CMIP: variants seen among roughly 807,000 people sequenced by gnomAD.
The protein encoded by CMIP is c-Maf inducing protein, also known as C-Maf-inducing protein.
A neutral mutation model predicts 97.3 loss-of-function variants in CMIP; 13 were observed. The ratio of observed to expected loss-of-function variants is 0.13; its 90% CI spans 0.09 to 0.21. The LOEUF (loss-of-function observed/expected upper bound fraction) is 0.21. CMIP is among the 10% of genes least tolerant of loss of function. The pLI, the probability that CMIP is intolerant of heterozygous loss-of-function variation, is 1.00. For synonymous variants in CMIP, 538 were observed against 436.3 expected, an observed-to-expected ratio of 1.23 and a Z score of -2.91; for missense variants, 847 against 1,024.9, an observed-to-expected ratio of 0.83 and a Z score of 2.37.
intron 1 of CMIP, among the ~76,000 whole-genome samples, chr16:81,550,935 C>G (rs2090641637): frequency 6.7e-6 from 1 of 149,192 alleles, no homozygotes. Flanking sequence ...CACATATATC[C>G]CAGTTCCGTC....
At chr16:81,696,079 G>A (rs1373531048) in intron 13 of CMIP, 4 of 185,276 alleles carry the variant, frequency 2.2e-5, no homozygotes, top group Non-Finnish European at 4.6e-5. Flanking sequence ...GGTTTCTAGA[G>A]AAAGAGGGCA....
intron 1 of CMIP, among the ~76,000 whole-genome samples, chr16:81,497,460 C>A (rs2089511845): frequency 6.6e-6 from 1 of 152,208 alleles, no homozygotes; most frequent in South Asian, 2.1e-4. Context: ...TTCTAAACAA[C>A]CCCCGAACCC....
rs1408576316 is a variant in CMIP, at chr16:81,689,937, T to G, written c.1389-1838T>G. On this transcript the variant is annotated intron_variant, in intron 10 of 20. Transcript: ENST00000537098. Reference sequence around the variant, plus strand: ...ATCCTTTCCCCATTTCTTGTTTTTATCAGGTTTGTCAAAGATCAGGTGGTT... The same window carrying G: ...ATCCTTTCCCCATTTCTTGTTTTTAGCAGGTTTGTCAAAGATCAGGTGGTT... 1.7e-4 allele frequency among the ~76,000 whole-genome samples: 26 copies of G among 152,224 alleles called. 1 individual carries two copies. The highest frequency in any genetic ancestry group is 1.6e-3 in the Admixed American group (25 of 15,286).
intron 1 of CMIP, chr16:81,603,271 C>T (rs535785966): frequency 2.3e-5 from 9 of 389,260 alleles, no homozygotes; most frequent in Middle Eastern, 8.9e-4. Flanking sequence ...TTAGTAGAGA[C>T]GGGGTTTCAC....
At chr16:81,485,540 G>A (rs1180947242) in intron 1 of CMIP, among the ~76,000 whole-genome samples, 2 of 152,174 alleles carry the variant, frequency 1.3e-5, no homozygotes, top group African/African-American at 2.4e-5. Context: ...ATTCCCATTC[G>A]GAAGACTGGA....
At chr16:81,467,212 C>A (rs1003234493) in intron 1 of CMIP, among the ~76,000 whole-genome samples, 3 of 152,248 alleles carry the variant, frequency 2.0e-5, no homozygotes, top group Non-Finnish European at 1.5e-5. Context: ...AACACTCACT[C>A]TGGGACCTGG....
intron 1 of CMIP, among the ~76,000 whole-genome samples, chr16:81,488,518 T>C (rs1470874223): frequency 6.6e-6 from 1 of 152,206 alleles, no homozygotes; most frequent in Non-Finnish European, 1.5e-5. Flanking sequence ...GTTTTGATTG[T>C]TGGCCTCCTC....
At chr16:81,662,173 C>T (rs2092554462) in intron 6 of CMIP, among the ~76,000 whole-genome samples, 1 of 152,192 alleles carries the variant, frequency 6.6e-6, no homozygotes, top group Non-Finnish European at 1.5e-5. Flanking sequence ...AACAGATCAC[C>T]TCCTCCATCT....
intron 1 of CMIP, among the ~76,000 whole-genome samples, chr16:81,457,377 G>A (rs1285429922): frequency 2.0e-5 from 3 of 151,986 alleles, no homozygotes; most frequent in Non-Finnish European, 2.9e-5. Context: ...ACAAAATCAA[G>A]AAGAAAAAAA....
chr16:81,498,146 C>T (rs1248899063), intron 1 of CMIP, among the ~76,000 whole-genome samples: 2 of 152,232 alleles, frequency 1.3e-5, no homozygotes, highest in Non-Finnish European at 2.9e-5. Context: ...AGCAGTGGGC[C>T]TCTGGGCAGA....
At chr16:81,490,816 C>A (rs1214134742) in intron 1 of CMIP, among the ~76,000 whole-genome samples, 1 of 152,028 alleles carries the variant, frequency 6.6e-6, no homozygotes, top group Non-Finnish European at 1.5e-5. Flanking sequence ...ACAAGGAGAG[C>A]AAATGCACAG....
At chr16:81,696,429 G>A (rs1906725143) in intron 13 of CMIP, 131 bp from the exon 14 acceptor site, 4 of 877,466 alleles carry the variant, frequency 4.6e-6, no homozygotes, top group Non-Finnish European at 7.2e-6. Flanking sequence ...GTTGCTGGAG[G>A]AAACAAAGTT....
chr16:81,485,401 G>T (rs367992512), intron 1 of CMIP, among the ~76,000 whole-genome samples: 1 of 152,206 alleles, frequency 6.6e-6, no homozygotes, highest in Non-Finnish European at 1.5e-5. Flanking sequence ...AACTCTAATT[G>T]TGGAAAGCTG....
intron 9 of CMIP, among the ~76,000 whole-genome samples, chr16:81,672,864 C>T (rs1438535849): frequency 6.6e-6 from 1 of 152,230 alleles, no homozygotes; most frequent in East Asian, 1.9e-4. Context: ...AGGCATGAGC[C>T]ATTGCATCTG....
rs562370284 is a variant in CMIP, at chr16:81,499,082, A to C, written c.300+53541A>C. ...GAGGAAACTGAGGTGTAGAGCAGTT[A>C]GATCGGTGTAGAGAAGCTAGATCGT... On this transcript the variant is annotated intron_variant, in intron 1 of 20. Transcript: ENST00000537098. Among the ~76,000 whole-genome samples the C allele has an allele frequency of 2.3e-4, 35 of 151,904 alleles. No homozygotes were observed. The South Asian group carries it at 7.1e-3, about 31-fold the overall frequency.
intron 1 of CMIP, among the ~76,000 whole-genome samples, chr16:81,489,061 G>C (rs931727511): frequency 1.3e-5 from 2 of 150,940 alleles, no homozygotes; most frequent in Non-Finnish European, 2.9e-5. Context: ...TCATTTTTCA[G>C]TTTGATTGTC....
At chr16:81,554,448 A>G (rs971982868) in intron 1 of CMIP, among the ~76,000 whole-genome samples, 13 of 152,294 alleles carry the variant, frequency 8.5e-5, no homozygotes, top group South Asian at 4.1e-4. Context: ...GCAGACATCA[A>G]TAATCAATCA....
At chr16:81,510,211 G>A (rs776949518) in intron 1 of CMIP, among the ~76,000 whole-genome samples, 9 of 152,084 alleles carry the variant, frequency 5.9e-5, no homozygotes, top group Non-Finnish European at 1.3e-4. Flanking sequence ...GTCTGATCGG[G>A]GACGAGGGGG....
chr16:81,702,696 C>T, intron 17 of CMIP, 27 bp downstream of exon 17: 1 of 1,606,598 alleles, frequency 6.2e-7, no homozygotes. Flanking sequence ...CTCTTTGGGG[C>T]TGGATGGAGA....
Sources: allele counts gnomAD v4.1 joint callset (sites outside exome capture counted in the v4.1 genomes callset), GRCh38; gene constraint gnomAD v4.1.1; transcripts MANE v1.5; gene names NCBI Gene and HGNC (gene_info 2026-07-23, HGNC 2026-07-21).